SPON1: variants seen among roughly 807,000 people sequenced by gnomAD.
SPON1 encodes spondin 1.
In SPON1, 52 loss-of-function variants were observed where a neutral mutation model predicts 111.7. The observed-to-expected ratio is 0.47, with a 90% CI of 0.37 to 0.59. SPON1 has a LOEUF of 0.59. Among genes scored for constraint, SPON1 ranks in the 20% least tolerant of loss-of-function variants. SPON1 has a pLI of 0.00. For synonymous variants in SPON1, 410 were observed against 395.8 expected, an observed-to-expected ratio of 1.04 and a Z score of -0.43; for missense variants, 957 against 1,068.5, an observed-to-expected ratio of 0.90 and a Z score of 1.46.
chr11:14,113,433 T>C (rs1554925624), intron 5 of SPON1, among the ~76,000 whole-genome samples: 3 of 152,176 alleles, frequency 2.0e-5, no homozygotes, highest in African/African-American at 7.2e-5. Flanking sequence ...CCTGCTTTTG[T>C]GTTCTTAAAT....
intron 6 of SPON1, among the ~76,000 whole-genome samples, chr11:14,157,880 GT>G (rs1847867430): frequency 6.6e-6 from 1 of 151,784 alleles, no homozygotes; most frequent in Non-Finnish European, 1.5e-5. Context: ...ATTCCAGTTT[GT>G]TGCTAAAATT....
intron 2 of SPON1, among the ~76,000 whole-genome samples, chr11:14,005,041 G>A (rs1298979924): frequency 1.3e-5 from 2 of 152,098 alleles, no homozygotes; most frequent in Admixed American, 6.6e-5. Flanking sequence ...TCATTTTGTT[G>A]TTTGTTTCCT....
At chr11:14,065,920 CTAGT>C (rs1848829119) in intron 3 of SPON1, among the ~76,000 whole-genome samples, 2 of 152,202 alleles carry the variant, frequency 1.3e-5, no homozygotes, top group African/African-American at 2.4e-5. Flanking sequence ...GAATAAGACA[CTAGT>C]CCCTGGACTC....
intron 4 of SPON1, among the ~76,000 whole-genome samples, chr11:14,078,709 G>T (rs1425884590): frequency 6.6e-6 from 1 of 152,104 alleles, no homozygotes; most frequent in South Asian, 2.1e-4. Flanking sequence ...GTAAAATGGG[G>T]ATAGCAAAAG....
intron 5 of SPON1, among the ~76,000 whole-genome samples, chr11:14,124,866 G>A (rs1435688824): frequency 6.6e-6 from 1 of 152,134 alleles, no homozygotes; most frequent in Non-Finnish European, 1.5e-5. Context: ...AGAAAATAAT[G>A]TAATCAATTT....
chr11:14,160,859 A>ATATT, intron 6 of SPON1, among the ~76,000 whole-genome samples: 1 of 47,930 alleles, frequency 2.1e-5, no homozygotes, highest in African/African-American at 8.6e-5. Context: ...ATTTATATAT[A>ATATT]TTTATATATT....
chr11:13,966,094 C>A (rs995425538), intron 1 of SPON1, among the ~76,000 whole-genome samples: 1 of 152,198 alleles, frequency 6.6e-6, no homozygotes, highest in Non-Finnish European at 1.5e-5. Flanking sequence ...TTCCCCAAAA[C>A]CTGAATCCAG....
chr11:14,209,076 TTTG>T (rs1414575542), intron 6 of SPON1, among the ~76,000 whole-genome samples: 18 of 152,200 alleles, frequency 1.2e-4, no homozygotes, highest in African/African-American at 1.9e-4. Context: ...GCATCTTATT[TTTG>T]TTGTTGTTGT....
At chr11:14,169,641 G>T (rs183232751) in intron 6 of SPON1, among the ~76,000 whole-genome samples, 25,628 of 149,886 alleles carry the variant, frequency 0.17, 2,304 homozygotes, top group Admixed American at 0.23. Flanking sequence ...GGTCTAACAT[G>T]TAAGTCTTTA....
intron 3 of SPON1, among the ~76,000 whole-genome samples, chr11:14,067,691 A>G (rs1168123538): frequency 1.3e-5 from 2 of 152,152 alleles, no homozygotes; most frequent in African/African-American, 2.4e-5. Context: ...ACTTCCCGTT[A>G]TGTTACTGAG....
chr11:14,172,389 T>C (rs1848115117), intron 6 of SPON1, among the ~76,000 whole-genome samples: 1 of 151,820 alleles, frequency 6.6e-6, no homozygotes, highest in Admixed American at 6.6e-5. Flanking sequence ...TGTGTGTCTC[T>C]GCATGTGAGA....
At chr11:14,142,900 C>A (rs894424773) in intron 6 of SPON1, among the ~76,000 whole-genome samples, 3 of 152,200 alleles carry the variant, frequency 2.0e-5, no homozygotes, top group African/African-American at 7.2e-5. Context: ...CAGGCTGAGA[C>A]GACCACTAAC....
intron 6 of SPON1, among the ~76,000 whole-genome samples, chr11:14,192,186 T>C (rs1226090642): frequency 6.6e-6 from 1 of 151,942 alleles, no homozygotes; most frequent in African/African-American, 2.4e-5. Flanking sequence ...TTTTAAAATA[T>C]GTGTGAAATG....
At chr11:14,086,825 C>T (rs1849010538) in intron 5 of SPON1, among the ~76,000 whole-genome samples, 1 of 152,142 alleles carries the variant, frequency 6.6e-6, no homozygotes, top group South Asian at 2.1e-4. Flanking sequence ...AATTTCAGAA[C>T]TTGTTATTGG....
At chr11:14,067,682 C>T (rs1848843448) in intron 3 of SPON1, among the ~76,000 whole-genome samples, 1 of 152,206 alleles carries the variant, frequency 6.6e-6, no homozygotes, top group South Asian at 2.1e-4. Context: ...ATCTTGCAAA[C>T]TTCCCGTTAT....
chr11:14,263,848 G>A (rs1554942168), intron 15 of SPON1, among the ~76,000 whole-genome samples: 1 of 151,966 alleles, frequency 6.6e-6, no homozygotes, highest in African/African-American at 2.4e-5. Flanking sequence ...GGCCAATATG[G>A]TGAAACCCCA....
chr11:14,160,470 TATATATATATTTATATATATATATTTAC>T lies in SPON1; in HGVS notation c.825+24925_825+24952del, dbSNP rs1847904155. On this transcript the variant is annotated intron_variant, in intron 6 of 15. Coordinates refer to ENST00000576479, the MANE Select transcript of SPON1 (RefSeq NM_006108.4). The stretch of plus-strand genomic sequence containing the variant: ...ATATATATATTTATATATATATATT[TATATATATATTTATATATATATATTTAC>T]ATATATATATTTATATATATATTTA... Among the ~76,000 whole-genome samples the T allele has an allele frequency of 6.4e-4, 9 of 14,026 alleles. 1 individual carries two copies. The highest frequency in any genetic ancestry group is 2.3e-3 in the South Asian group (1 of 440). 9.2% of individuals were successfully genotyped at this position (14,026 alleles called of 152,430 possible).
chr11:14,022,352 T>C (rs1554914851), intron 2 of SPON1, among the ~76,000 whole-genome samples: 1 of 152,234 alleles, frequency 6.6e-6, no homozygotes, highest in Non-Finnish European at 1.5e-5. Context: ...AATGTGCTTC[T>C]GGCAAATAAT....
At chr11:14,170,708 T>G (rs2133881566) in intron 6 of SPON1, among the ~76,000 whole-genome samples, 1 of 152,218 alleles carries the variant, frequency 6.6e-6, no homozygotes, top group South Asian at 2.1e-4. Context: ...AGCATGAAGT[T>G]GTTGAATTTT....
Sources: gnomAD v4.1 joint callset for allele counts (sites outside exome capture counted in the v4.1 genomes callset) on GRCh38, gnomAD v4.1.1 for gene constraint, MANE v1.5 for transcripts, NCBI Gene and HGNC (gene_info 2026-07-23, HGNC 2026-07-21) for gene names.